The following COL27A1 variants were observed in gnomAD, a reference collection of about 807,000 sequenced individuals.
COL27A1 encodes collagen type XXVII alpha 1 chain.
COL27A1 carries 106 observed loss-of-function variants against 251.3 expected under a neutral mutation model. That is an observed-to-expected ratio of 0.42 (90% CI 0.36 to 0.50). The LOEUF (loss-of-function observed/expected upper bound fraction) is 0.50. COL27A1 is among the 20% of genes least tolerant of loss of function. The probability of loss-of-function intolerance (pLI) is 0.00; values close to 1 mark genes in which losing one functional copy is unlikely to be tolerated. For missense variants in COL27A1, 2,325 were observed against 2,522.8 expected (o/e 0.92, Z 1.68); for synonymous variants, 1,000 against 986.3 (o/e 1.01, Z -0.26).
At chr9:114,163,459 A>G (rs148680672) in intron 2 of COL27A1, among the ~76,000 whole-genome samples, 19 of 151,170 alleles carry the variant, frequency 1.3e-4, no homozygotes, top group African/African-American at 4.1e-4. Context: ...CTGGGATCCC[A>G]TCTTCCTCTT....
chr9:114,304,406 A>G (rs1828880620), intron 56 of COL27A1, among the ~76,000 whole-genome samples: 1 of 152,220 alleles, frequency 6.6e-6, no homozygotes, highest in African/African-American at 2.4e-5. Context: ...CCTGAGGGCC[A>G]TGGGGAGCTA....
chr9:114,272,843 T>TC (rs897529774), intron 36 of COL27A1: 2 of 151,926 alleles, frequency 1.3e-5, no homozygotes, highest in African/African-American at 4.8e-5. Context: ...GGAGGCATCG[T>TC]CCCCTGAGCA....
intron 49 of COL27A1, among the ~76,000 whole-genome samples, 166 bp from the exon 50 acceptor site, chr9:114,299,904 C>T (rs1828498397): frequency 6.6e-6 from 1 of 152,206 alleles, no homozygotes; most frequent in South Asian, 2.1e-4. Context: ...GGCGGACTGG[C>T]ATCTAGTTTG....
At chr9:114,167,487 G>A (rs1419680043) in intron 2 of COL27A1, among the ~76,000 whole-genome samples, 3 of 152,204 alleles carry the variant, frequency 2.0e-5, no homozygotes, top group African/African-American at 4.8e-5. Context: ...AGCCAGATAA[G>A]GGGTCACAAT....
chr9:114,221,839 G>A (rs1422417380), intron 13 of COL27A1, among the ~76,000 whole-genome samples: 1 of 152,226 alleles, frequency 6.6e-6, no homozygotes. Flanking sequence ...TCATTTCCTT[G>A]CACCTGGCCT....
At position 114,310,656 on chromosome 9, in the gene COL27A1, G is replaced by A. The variant is rs1829384654; in HGVS notation, c.5544G>A (p.Lys1848=). 2 of 1,614,198 alleles carry A rather than the reference G, an allele frequency of 1.2e-6. No individual in the cohort carries two copies. The highest frequency in any genetic ancestry group is 1.1e-5 in the South Asian group (1 of 91,080). ...ACCTCCCTCCTGCCTCATCAGGGAA[G>A]CAGTACCGCCTGGAAGTTGGACCTG... ...VDNLPPASSG[K]QYRLEVGPAC... is the part of the protein sequence containing the mutation. The change falls in exon 61 of 61, where the codon AAG becomes AAA. Residue 1848 remains lysine, a synonymous_variant. Coordinates refer to ENST00000356083, the MANE Select transcript of COL27A1 (RefSeq NM_032888.4).
At position 114,270,777 on chromosome 9, in the gene COL27A1, T is replaced by G; in HGVS notation, c.3605T>G (p.Leu1202Arg). ...AGTGGCCCCATGGGACCTGATGGGC[T>G]GAAGGTAAGTGCCCTTTTAGGGCAG... is the stretch of plus-strand genomic sequence containing the variant. ...GDSGPMGPDG[L>R]KGDRGDPGPD... Residue 1202 changes from leucine (L) to arginine (R), a missense_variant, in exon 36 of 61, where the codon CTG becomes CGG. This residue lies in a region of COL27A1 where 662 missense variants were observed against 795.3 expected (regional missense o/e 0.83). Coordinates refer to ENST00000356083, the MANE Select transcript of COL27A1 (RefSeq NM_032888.4). 1.2e-6 allele frequency: 2 copies of G among 1,612,340 alleles called. No homozygotes were observed. The highest frequency in any genetic ancestry group is 1.7e-6 in the Non-Finnish European group (2 of 1,178,970).
intron 27 of COL27A1, among the ~76,000 whole-genome samples, chr9:114,256,010 A>G (rs924365474): frequency 1.5e-4 from 23 of 152,222 alleles, no homozygotes; most frequent in African/African-American, 5.3e-4. Context: ...GCCCTCCTGC[A>G]TAACTGTGTG....
rs139256185 is a variant in COL27A1 at position 114,243,674 on chromosome 9, G to T, written c.2934+114G>T. 66 of 845,770 alleles carry T rather than the reference G, an allele frequency of 7.8e-5. No homozygotes were observed. The East Asian group carries it at 1.6e-3, about 21-fold the overall frequency. 52.4% of individuals were successfully genotyped at this position (845,770 alleles called of 1,614,324 possible). On this transcript the variant is annotated intron_variant, in intron 23 of 60. Coordinates refer to ENST00000356083, the MANE Select transcript of COL27A1 (RefSeq NM_032888.4). ...AGTTGTGAAAAGGGAGAAAAAAATTGGTTCCTGTTTAGAACAAAGTATTGG... is the reference window on the plus strand; with the variant it reads ...AGTTGTGAAAAGGGAGAAAAAAATTTGTTCCTGTTTAGAACAAAGTATTGG...
chr9:114,168,169 A>G lies in COL27A1; in HGVS notation c.614A>G (p.His205Arg). 1 of 1,613,682 alleles carries G rather than the reference A, an allele frequency of 6.2e-7. No individual in the cohort carries two copies. Among genetic ancestry groups the G allele is most frequent in the Non-Finnish European group, 8.5e-7 (1 of 1,180,016 alleles). Residue 205 changes from histidine to arginine, a missense_variant, in exon 3 of 61, where the codon CAT becomes CGT. By Grantham distance (29) the His-to-Arg change is conservative. Transcript: ENST00000356083. ...GSFLFGKMNP[H>R]AVQFEGALCQ... ...TTCCTCTTTGGGAAGATGAACCCGC[A>G]TGCAGTCCAGTTTGAAGGTGCTCTC...
At chr9:114,213,452 A>C (rs1255850928) in intron 12 of COL27A1, among the ~76,000 whole-genome samples, 1 of 152,168 alleles carries the variant, frequency 6.6e-6, no homozygotes, top group Non-Finnish European at 1.5e-5. Flanking sequence ...CCTGTGTGAG[A>C]TAAGGCCACT....
chr9:114,202,552 G>A (rs901671190), intron 7 of COL27A1, among the ~76,000 whole-genome samples: 2 of 152,094 alleles, frequency 1.3e-5, no homozygotes, highest in Non-Finnish European at 2.9e-5. Context: ...ATCATGTCGC[G>A]CTACCTCCCT....
At position 114,301,993 on chromosome 9, in the gene COL27A1, C is replaced by T. The variant is rs1265397347; in HGVS notation, c.4846-89C>T. ...AGGCCAGCTTGGCAGGTCCTGCATG[C>T]TTTGATGGTCTCCCTGGTCTCCTGA... On this transcript the variant is annotated intron_variant, in intron 55 of 60. Coordinates refer to ENST00000356083, the MANE Select transcript of COL27A1 (RefSeq NM_032888.4). 22 of 1,317,418 alleles carry T rather than the reference C, an allele frequency of 1.7e-5. No individual in the cohort carries two copies. The Admixed American group carries it at 3.8e-4, about 23-fold the overall frequency. 81.6% of individuals were successfully genotyped at this position (1,317,418 alleles called of 1,614,324 possible). A position where few individuals can be genotyped will look rare whatever the true frequency, so the allele number is the denominator to read the frequency against.
At position 114,290,962 on chromosome 9, in the gene COL27A1, CCTTG is replaced by C; in HGVS notation, c.4476+46_4476+49del. 7.0e-7 allele frequency: 1 copy of C among 1,421,228 alleles called. No individual in the cohort carries two copies. The highest frequency in any genetic ancestry group is 9.6e-7 in the Non-Finnish European group (1 of 1,036,404). The allele number at this position is 1,421,228 out of a possible 1,614,324, so 88.0% of individuals were successfully genotyped here. A position where few individuals can be genotyped will look rare whatever the true frequency, so the allele number is the denominator to read the frequency against. On this transcript the variant is annotated intron_variant, in intron 48 of 60. Coordinates refer to ENST00000356083, the MANE Select transcript of COL27A1 (RefSeq NM_032888.4). This position sits in a 1 kb window ranked among gnomAD's most constrained non-coding sequence, Gnocchi z 4.6. ...ACTTACCCACCCTCTGCCCTTTCTG[CCTTG>C]ATGCAGACTCTAGTGGTTCCGACCC...
At chr9:114,240,617 C>G (rs1257350827) in intron 21 of COL27A1, 130 bp downstream of exon 21, 1 of 773,572 alleles carries the variant, frequency 1.3e-6, no homozygotes, top group Non-Finnish European at 2.1e-6. Context: ...CAGGGCTTCC[C>G]CAGACTTACC....
At chr9:114,291,364 G>C (rs1240248956) in intron 48 of COL27A1, among the ~76,000 whole-genome samples, 1 of 152,200 alleles carries the variant, frequency 6.6e-6, no homozygotes, top group African/African-American at 2.4e-5. Context: ...CTCTGAGCTC[G>C]AGGTTTAATT....
In COL27A1 at chr9:114,201,680, C is replaced by T. The variant is rs145345372; in HGVS notation, c.2125-3422C>T. The stretch of plus-strand genomic sequence containing the variant: ...CTCTCTGAGCTTCAGTTTCTCAGTC[C>T]GTCCAGTGAGAAAGGAGATTGTCAA... On this transcript the variant is annotated intron_variant, in intron 7 of 60. Coordinates refer to ENST00000356083, the MANE Select transcript of COL27A1 (RefSeq NM_032888.4). Among the ~76,000 whole-genome samples the T allele has an allele frequency of 1.6e-3, 245 of 152,278 alleles. 2 individuals carry two copies. Among genetic ancestry groups the T allele is most frequent in the African/African-American group, 5.6e-3 (232 of 41,546 alleles).
At position 114,169,160 on chromosome 9, in the gene COL27A1, G is replaced by C; in HGVS notation, c.1605G>C (p.Lys535Asn). 6.2e-7 allele frequency: 1 copy of C among 1,614,100 alleles called. No individual in the cohort carries two copies. Among genetic ancestry groups the C allele is most frequent in the Non-Finnish European group, 8.5e-7 (1 of 1,180,010 alleles). Residue 535 changes from lysine (K) to asparagine (N), a missense_variant, in exon 3 of 61, where the codon AAG becomes AAC. By Grantham distance (94) the Lys-to-Asn change is moderately conservative (BLOSUM62 0). Transcript: ENST00000356083. ...GCTCAGCTCCCACTGGAAGCAAGAA[G>C]CCCATTGGATCGGAAGCCTCAAAGA... ...TPGSAPTGSKKPIGSEASKKA... is the reference protein window; with the variant it reads ...TPGSAPTGSKNPIGSEASKKA...
At chr9:114,304,241 G>A (rs967308543) in intron 56 of COL27A1, among the ~76,000 whole-genome samples, 10 of 152,226 alleles carry the variant, frequency 6.6e-5, no homozygotes, top group Admixed American at 5.9e-4. Context: ...ATGTGCAAAG[G>A]CCCCATGGCC....
Sources: gnomAD v4.1 joint callset for allele counts (sites outside exome capture counted in the v4.1 genomes callset) on GRCh38, gnomAD v4.1.1 for gene constraint, gnomAD v4.1.1 regional missense constraint, Gnocchi (gnomAD v3.1) non-coding constraint, MANE v1.5 for transcripts, NCBI Gene and HGNC (gene_info 2026-07-23, HGNC 2026-07-21) for gene names.